PLEKHA6: variants seen among roughly 807,000 people sequenced by gnomAD.
PLEKHA6 encodes the protein pleckstrin homology domain-containing family A member 6.
PLEKHA6 carries 60 observed loss-of-function variants against 116.7 expected under a neutral mutation model. The ratio of observed to expected loss-of-function variants is 0.51; its 90% CI spans 0.42 to 0.64. PLEKHA6 has a LOEUF of 0.64. Among genes scored for constraint, PLEKHA6 ranks in the 30% least tolerant of loss-of-function variants. PLEKHA6 has a pLI of 0.00. For missense variants in PLEKHA6, 1,338 were observed against 1,422.7 expected, an observed-to-expected ratio of 0.94 and a Z score of 0.96; for synonymous variants, 489 against 556.1, an observed-to-expected ratio of 0.88 and a Z score of 1.70.
rs150491075 is a variant in PLEKHA6 at position 204,263,411 on chromosome 1, C to T, written c.381+1531G>A. 1.1e-4 allele frequency among the ~76,000 whole-genome samples: 16 copies of T among 152,258 alleles called. No homozygotes were observed. The East Asian group carries it at 2.5e-3, about 24-fold the overall frequency. Reference sequence around the variant, plus strand: ...TTCTTAGCCATCCAAGAGTTTCGCTCGGTGGCCACAACAGGACAAGCCTCC... The same window carrying T: ...TTCTTAGCCATCCAAGAGTTTCGCTTGGTGGCCACAACAGGACAAGCCTCC... On this transcript the variant is annotated intron_variant, in intron 6 of 22. Coordinates refer to ENST00000272203, the MANE Select transcript of PLEKHA6 (RefSeq NM_014935.5).
At position 204,229,029 on chromosome 1, in the gene PLEKHA6, C is replaced by T. The variant is rs372056044; in HGVS notation, c.2659G>A (p.Gly887Arg). Residue 887 changes from glycine to arginine, a missense_variant, in exon 19 of 23, where the codon GGG (glycine) becomes AGG (arginine). By Grantham distance (125) the Gly-to-Arg change is moderately radical. Coordinates refer to ENST00000272203, the MANE Select transcript of PLEKHA6 (RefSeq NM_014935.5). Reference sequence around the variant, plus strand: ...TCCCGGGGTGTCTCGTAGGCATGCCCGCCAGGCTCCTCTGCCCGCAGGGCT... The same window carrying T: ...TCCCGGGGTGTCTCGTAGGCATGCCTGCCAGGCTCCTCTGCCCGCAGGGCT... ...EAALRAEEPG[G>R]HAYETPREEI... The T allele has an allele frequency of 2.4e-5, 39 of 1,614,158 alleles. No homozygotes were observed. The highest frequency in any genetic ancestry group is 6.6e-5 in the South Asian group (6 of 91,090).
At chr1:204,343,428 C>A (rs1038924288) in intron 1 of PLEKHA6, among the ~76,000 whole-genome samples, 2 of 152,162 alleles carry the variant, frequency 1.3e-5, no homozygotes, top group Middle Eastern at 3.2e-3. Context: ...TAAACCAAGG[C>A]TCAGAGAGGT....
rs548517645 is a variant in PLEKHA6 at position 204,313,378 on chromosome 1, G to A, written c.-94-38569C>T. ...ACTTACAGGGTGCTGGAAAAACACC[G>A]GGTTGTCCTCCACTCCAGGATGCCT... On this transcript the variant is annotated intron_variant, in intron 1 of 22. Coordinates refer to ENST00000272203, the MANE Select transcript of PLEKHA6 (RefSeq NM_014935.5). Among the ~76,000 whole-genome samples, 6 of 152,156 alleles carry A rather than the reference G, an allele frequency of 3.9e-5. No homozygotes were observed. The East Asian group carries it at 5.8e-4, about 15-fold the overall frequency.
Position 204,339,321 on chromosome 1 carries a change from C to A in PLEKHA6, c.-95+20373G>T, listed in dbSNP as rs113030376. Among the ~76,000 whole-genome samples the A allele has an allele frequency of 2.2e-4, 33 of 152,362 alleles. 1 individual carries two copies. The highest frequency in any genetic ancestry group is 3.4e-3 in the Middle Eastern group (1 of 294). ...CCCCGAGCCCAGTCAACCTAGAGAA[C>A]CCTGAGAGACAGGCATCAGCCCTTG... On this transcript the variant is annotated intron_variant, in intron 1 of 22. Coordinates refer to ENST00000272203, the MANE Select transcript of PLEKHA6 (RefSeq NM_014935.5).
intron 1 of PLEKHA6, among the ~76,000 whole-genome samples, chr1:204,343,676 T>A (rs1323845862): frequency 6.6e-6 from 1 of 152,132 alleles, no homozygotes; most frequent in Non-Finnish European, 1.5e-5. Flanking sequence ...ATGATACAAG[T>A]TGAAACTGTC....
At chr1:204,370,461 T>C (rs1673752916) in intron 2 of PLEKHA6, among the ~76,000 whole-genome samples, 1 of 152,254 alleles carries the variant, frequency 6.6e-6, no homozygotes, top group South Asian at 2.1e-4. Flanking sequence ...ACACCCCCTC[T>C]TACTGGCCCG....
chr1:204,368,293 A>G (rs1261049980), intron 2 of PLEKHA6: 1 of 152,232 alleles, frequency 6.6e-6, no homozygotes. Context: ...AACTCATCAC[A>G]GATCATTAAC....
rs564945208 is a variant in PLEKHA6, at chr1:204,295,661, C to T, written c.-94-20852G>A. ...CAAAAGAGCTGCTCATCCTGAGCAC[C>T]TTCGGTTCTTCAGGGAAGCGCTCCT... On this transcript the variant is annotated intron_variant, in intron 1 of 22. Transcript: ENST00000272203. 1.2e-4 allele frequency among the ~76,000 whole-genome samples: 18 copies of T among 152,246 alleles called. No individual in the cohort carries two copies. The South Asian group carries it at 3.5e-3, about 30-fold the overall frequency.
chr1:204,272,437 T>C (rs1199885903), intron 3 of PLEKHA6, among the ~76,000 whole-genome samples: 2 of 152,166 alleles, frequency 1.3e-5, no homozygotes, highest in Non-Finnish European at 2.9e-5. Flanking sequence ...CCTCCAGTCT[T>C]GCGTTACCTT....
chr1:204,306,376 C>T (rs989492389), intron 1 of PLEKHA6, among the ~76,000 whole-genome samples: 10 of 152,120 alleles, frequency 6.6e-5, no homozygotes, highest in Admixed American at 2.6e-4. Context: ...CCTAGGAAGA[C>T]GGGGCCACAT....
At chr1:204,242,217 C>T (rs1472339642) in intron 15 of PLEKHA6, among the ~76,000 whole-genome samples, 1 of 152,138 alleles carries the variant, frequency 6.6e-6, no homozygotes, top group Non-Finnish European at 1.5e-5. Flanking sequence ...TACCAGGATT[C>T]TAGGGAAATG....
At chr1:204,288,739 G>GTTTTA (rs1558143581) in intron 1 of PLEKHA6, among the ~76,000 whole-genome samples, 1 of 152,132 alleles carries the variant, frequency 6.6e-6, no homozygotes, top group African/African-American at 2.4e-5. Flanking sequence ...TAGAGGGTTT[G>GTTTTA]TTTTTATTTT....
At chr1:204,340,226 A>G (rs1447828300) in intron 1 of PLEKHA6, among the ~76,000 whole-genome samples, 1 of 152,212 alleles carries the variant, frequency 6.6e-6, no homozygotes, top group African/African-American at 2.4e-5. Context: ...GTTATTCCCC[A>G]GCAGGGTAGC....
intron 6 of PLEKHA6, among the ~76,000 whole-genome samples, chr1:204,262,774 C>G (rs1436844868): frequency 6.6e-6 from 1 of 152,166 alleles, no homozygotes; most frequent in Non-Finnish European, 1.5e-5. Flanking sequence ...TTCCTCTGGT[C>G]CCCACCCTCC....
At chr1:204,255,901 G>A (rs1339440612) in intron 9 of PLEKHA6, among the ~76,000 whole-genome samples, 1 of 152,180 alleles carries the variant, frequency 6.6e-6, no homozygotes, top group Non-Finnish European at 1.5e-5. Context: ...AGGGGCACAC[G>A]CAGACCCCAG....
Position 204,257,511 on chromosome 1 carries a change from C to T in PLEKHA6, c.1366G>A (p.Val456Met). Residue 456 changes from valine to methionine, a missense_variant, in exon 9 of 23, where the codon GTG becomes ATG. Val to Met is a conservative substitution (Grantham distance 21). Around this residue, in one of 3 missense-constraint regions of PLEKHA6, gnomAD observed 1,136 missense variants for 1,163.6 expected, o/e 0.98. Transcript: ENST00000272203. This position sits in a 1 kb window ranked among gnomAD's most constrained non-coding sequence, Gnocchi z 6.5. ...GAGCCCTGGCTGGGTGAGCGGGGCACAGAGTGGGAGCGGGGCTGCAGGGAC... is the reference window on the plus strand; with the variant it reads ...GAGCCCTGGCTGGGTGAGCGGGGCATAGAGTGGGAGCGGGGCTGCAGGGAC... ...RLSLQPRSHSVPRSPSQGSYS... is the reference protein window; with the variant it reads ...RLSLQPRSHSMPRSPSQGSYS... 6.3e-7 allele frequency: 1 copy of T among 1,588,960 alleles called. No individual in the cohort carries two copies. The highest frequency in any genetic ancestry group is 8.6e-7 in the Non-Finnish European group (1 of 1,166,098).
In PLEKHA6 at chr1:204,230,380, G is replaced by A. The variant is rs542668291; in HGVS notation, c.2583+33C>T. ...AGTGGGCAGTGTTGGCAGATGCCAG[G>A]CTCACGCCTGTGGGTAGCTGGGAAG... On this transcript the variant is annotated intron_variant, in intron 18 of 22. Coordinates refer to ENST00000272203, the MANE Select transcript of PLEKHA6 (RefSeq NM_014935.5). The A allele has an allele frequency of 3.3e-6, 5 of 1,520,690 alleles. No homozygotes were observed. In the South Asian group the frequency reaches 6.4e-5, roughly 19 times the overall value. The allele number at this position is 1,520,690 out of a possible 1,614,324, so 94.2% of individuals were successfully genotyped here. A position where few individuals can be genotyped will look rare whatever the true frequency, so the allele number is the denominator to read the frequency against.
chr1:204,328,277 T>C (rs913474327), intron 1 of PLEKHA6, among the ~76,000 whole-genome samples: 1 of 151,728 alleles, frequency 6.6e-6, no homozygotes, highest in African/African-American at 2.4e-5. Flanking sequence ...AGACGGGGTT[T>C]CTCTATGTTG....
At chr1:204,256,724 C>T (rs567114106) in intron 9 of PLEKHA6, 10 of 464,036 alleles carry the variant, frequency 2.2e-5, no homozygotes, top group East Asian at 1.0e-4. Context: ...CCCTGGAGTC[C>T]GCCCCAGTTT....
Sources: gnomAD v4.1 joint callset for allele counts (sites outside exome capture counted in the v4.1 genomes callset) on GRCh38, gnomAD v4.1.1 for gene constraint, gnomAD v4.1.1 regional missense constraint, Gnocchi (gnomAD v3.1) non-coding constraint, MANE v1.5 for transcripts, NCBI Gene and HGNC (gene_info 2026-07-23, HGNC 2026-07-21) for gene names.